Variants in SP100 observed in about 807,000 individuals in gnomAD.
SP100 encodes the protein nuclear autoantigen Sp-100.
A neutral mutation model predicts 130.0 loss-of-function variants in SP100; 84 were observed. That is an observed-to-expected ratio of 0.65 (90% CI 0.54 to 0.77). The LOEUF is 0.77. Among genes scored for constraint, SP100 ranks in the 30% least tolerant of loss-of-function variants. The probability of loss-of-function intolerance (pLI) is 0.00; values close to 1 mark genes in which losing one functional copy is unlikely to be tolerated. For missense variants in SP100, 978 were observed against 1,052.2 expected, an observed-to-expected ratio of 0.93 and a Z score of 0.97; for synonymous variants, 331 against 351.7, an observed-to-expected ratio of 0.94 and a Z score of 0.66.
At chr2:230,480,851 G>A (rs1005550391) in intron 17 of SP100, among the ~76,000 whole-genome samples, 5 of 152,182 alleles carry the variant, frequency 3.3e-5, no homozygotes, top group African/African-American at 1.2e-4. Flanking sequence ...GGCACGTATT[G>A]GCATGACCGT....
intron 24 of SP100, among the ~76,000 whole-genome samples, chr2:230,529,322 A>G (rs1426468558): frequency 6.6e-6 from 1 of 152,240 alleles, no homozygotes; most frequent in African/African-American, 2.4e-5. Flanking sequence ...ACCAATGACA[A>G]AAACCACATG....
intron 5 of SP100, among the ~76,000 whole-genome samples, chr2:230,447,830 A>G (rs754419507): frequency 6.6e-5 from 10 of 152,106 alleles, no homozygotes; most frequent in Admixed American, 6.5e-4. Context: ...TTATTAAGTT[A>G]ACCTCCATCC....
At chr2:230,496,933 G>A (rs1171021796) in intron 18 of SP100, among the ~76,000 whole-genome samples, 1 of 152,128 alleles carries the variant, frequency 6.6e-6, no homozygotes, top group Non-Finnish European at 1.5e-5. Context: ...GTCTATAAAT[G>A]TCTCTGCCTT....
At chr2:230,451,512 GT>G (rs1413009892) in intron 8 of SP100, among the ~76,000 whole-genome samples, 1 of 152,188 alleles carries the variant, frequency 6.6e-6, no homozygotes, top group Non-Finnish European at 1.5e-5. Context: ...TTAATATTGA[GT>G]TGTTTGAGCT....
intron 8 of SP100, among the ~76,000 whole-genome samples, chr2:230,453,439 AGCTGTGG>A (rs1033144926): frequency 6.6e-6 from 1 of 152,208 alleles, no homozygotes; most frequent in Non-Finnish European, 1.5e-5. Context: ...GTATGGTACT[AGCTGTGG>A]GCTTGTCATG....
rs147809694 is a variant in SP100 at position 230,544,820 on chromosome 2, C to T, written c.*1874C>T. On this transcript the variant is annotated 3_prime_UTR_variant, in exon 29 of 29. Transcript: ENST00000340126. ...CAAAAGAAGATACACATGCGGCCAA[C>T]AAGCATGTTTTAAAAGCTCAATATC... Among the ~76,000 whole-genome samples the T allele has an allele frequency of 6.6e-6, 1 of 152,284 alleles. No homozygotes were observed. Among genetic ancestry groups the T allele is most frequent in the African/African-American group, 2.4e-5 (1 of 41,568 alleles).
chr2:230,510,998 A>G (rs1690548917), intron 23 of SP100, 127 bp from the exon 24 acceptor site: 1 of 723,686 alleles, frequency 1.4e-6, no homozygotes, highest in Middle Eastern at 3.6e-4. Context: ...CAGGTCCATA[A>G]AAGCAGACAT....
At chr2:230,468,814 T>C (rs2065100848) in intron 13 of SP100, 1 of 158,384 alleles carries the variant, frequency 6.3e-6, no homozygotes, top group Admixed American at 1.4e-4. Context: ...TGAGACCCTG[T>C]CTCAAAAAAA....
chr2:230,450,683 A>G (rs1221463913), intron 8 of SP100, among the ~76,000 whole-genome samples: 2 of 152,202 alleles, frequency 1.3e-5, no homozygotes, highest in East Asian at 3.9e-4. Context: ...ACTTCTATAA[A>G]TTCATCTTTT....
intron 9 of SP100, 21 bp downstream of exon 9, chr2:230,461,435 T>G (rs765956909): frequency 6.2e-7 from 1 of 1,613,406 alleles, no homozygotes; most frequent in South Asian, 1.1e-5. Flanking sequence ...CTGGGAGAGT[T>G]TGTAACTGTG....
chr2:230,504,964 G>T (rs1321947910), intron 21 of SP100, among the ~76,000 whole-genome samples: 4 of 152,056 alleles, frequency 2.6e-5, no homozygotes, highest in African/African-American at 4.8e-5. Flanking sequence ...CCATAAATAA[G>T]AGGGATTTAT....
intron 24 of SP100, among the ~76,000 whole-genome samples, chr2:230,527,825 A>G (rs952948676): frequency 1.3e-5 from 2 of 152,214 alleles, no homozygotes; most frequent in African/African-American, 4.8e-5. Context: ...AGATCAAAAG[A>G]GACAAAGAAG....
chr2:230,447,847 T>A (rs1221509813), intron 5 of SP100, among the ~76,000 whole-genome samples: 1 of 152,008 alleles, frequency 6.6e-6, no homozygotes, highest in Non-Finnish European at 1.5e-5. Context: ...ATCCCTCCTC[T>A]CCCCTCCCTG....
chr2:230,455,871 G>T (rs2064249112), intron 8 of SP100, among the ~76,000 whole-genome samples: 2 of 152,086 alleles, frequency 1.3e-5, no homozygotes, highest in Admixed American at 6.5e-5. Flanking sequence ...ACTTAATTTT[G>T]ATTGCCTACA....
At chr2:230,472,794 T>C (rs940146660) in intron 15 of SP100, among the ~76,000 whole-genome samples, 1 of 152,156 alleles carries the variant, frequency 6.6e-6, no homozygotes, top group Admixed American at 6.5e-5. Context: ...GTTTTCAGAA[T>C]AAGGTGTCCC....
At chr2:230,517,627 T>A (rs1198861403) in intron 24 of SP100, among the ~76,000 whole-genome samples, 2 of 151,970 alleles carry the variant, frequency 1.3e-5, no homozygotes, top group Middle Eastern at 3.2e-3. Context: ...TAACCAGGCA[T>A]GGTGGCATGT....
chr2:230,474,244 C>T, intron 16 of SP100, 150 bp from the exon 17 acceptor site: 1 of 562,224 alleles, frequency 1.8e-6, no homozygotes, highest in Non-Finnish European at 3.2e-6. Flanking sequence ...GACATCAATT[C>T]AGTGTCTGTT....
intron 2 of SP100, among the ~76,000 whole-genome samples, chr2:230,436,022 A>G (rs1459868536): frequency 1.3e-5 from 2 of 152,216 alleles, no homozygotes; most frequent in African/African-American, 4.8e-5. Flanking sequence ...TCCAGTTTCA[A>G]TGGGGTTCCA....
At chr2:230,443,525 T>C (rs2063552321) in intron 3 of SP100, among the ~76,000 whole-genome samples, 1 of 152,250 alleles carries the variant, frequency 6.6e-6, no homozygotes, top group Admixed American at 6.5e-5. Context: ...TTAAAATGCC[T>C]AGATCTGGGA....
Sources: gnomAD v4.1 joint callset for allele counts (sites outside exome capture counted in the v4.1 genomes callset) on GRCh38, gnomAD v4.1.1 for gene constraint, MANE v1.5 for transcripts, NCBI Gene and HGNC (gene_info 2026-07-23, HGNC 2026-07-21) for gene names.